The following NEK10 variants were observed in gnomAD, a reference collection of about 807,000 sequenced individuals.
NEK10 encodes the protein serine/threonine-protein kinase Nek10.
Under a neutral mutation model 159.8 loss-of-function variants are expected in NEK10, and 122 were observed. That is an observed-to-expected ratio of 0.76 (90% CI 0.66 to 0.89). The LOEUF (loss-of-function observed/expected upper bound fraction) is 0.89. NEK10 is among the 40% of genes least tolerant of loss of function. The pLI is 0.00. For missense variants in NEK10, 1,342 were observed against 1,323.1 expected (o/e 1.01, Z -0.22); for synonymous variants, 466 against 457.1 (o/e 1.02, Z -0.25).
chr3:27,136,068 T>C (rs73141421), intron 31 of NEK10, among the ~76,000 whole-genome samples: 5,956 of 151,654 alleles, frequency 0.039, 276 homozygotes, highest in African/African-American at 0.12. Flanking sequence ...CAAAGGCGCT[T>C]CAAATAAATG....
chr3:27,214,989 G>T, intron 23 of NEK10: 1 of 685,940 alleles, frequency 1.5e-6, no homozygotes, highest in South Asian at 1.6e-5. Context: ...CCAGGCACCG[G>T]TCCCACTTCC....
At chr3:27,352,950 G>A in intron 1 of NEK10, 31 bp from the exon 2 acceptor site, 2 of 1,144,228 alleles carry the variant, frequency 1.7e-6, no homozygotes, top group Non-Finnish European at 2.6e-6. Flanking sequence ...GAAAATTTTA[G>A]TTGGGTTGCG....
chr3:27,218,937 A>G (rs1036069347), intron 23 of NEK10, among the ~76,000 whole-genome samples: 1 of 152,304 alleles, frequency 6.6e-6, no homozygotes, highest in Non-Finnish European at 1.5e-5. Context: ...CGGGTAAATA[A>G]CATGAATCTT....
intron 23 of NEK10, among the ~76,000 whole-genome samples, chr3:27,249,232 G>T (rs1003559016): frequency 6.6e-6 from 1 of 152,138 alleles, no homozygotes; most frequent in Non-Finnish European, 1.5e-5. Flanking sequence ...GTTTCCTGAG[G>T]TCTCCCCAGC....
chr3:27,259,534 T>A (rs1401654822), intron 22 of NEK10, among the ~76,000 whole-genome samples: 2 of 152,328 alleles, frequency 1.3e-5, no homozygotes, highest in South Asian at 2.1e-4. Context: ...GTTGTAGATA[T>A]GCGGCATTAT....
intron 30 of NEK10, among the ~76,000 whole-genome samples, chr3:27,151,080 C>T (rs1481803467): frequency 7.2e-5 from 11 of 152,126 alleles, no homozygotes; most frequent in East Asian, 3.9e-4. Flanking sequence ...ACCCTGGTAG[C>T]GGAAGACAAA....
Position 27,162,487 on chromosome 3 carries a change from A to G in NEK10, c.2869+214T>C, listed in dbSNP as rs763601536. On this transcript the variant is annotated intron_variant, in intron 30 of 35. Transcript: ENST00000691995. Reference sequence around the variant, plus strand: ...ATGATCTTTGAGATTTCGAAGAATCACAGCAGGAAGGCTATGGGACTGCCA... The same window carrying G: ...ATGATCTTTGAGATTTCGAAGAATCGCAGCAGGAAGGCTATGGGACTGCCA... The G allele has an allele frequency of 9.3e-6, 15 of 1,614,030 alleles. No individual in the cohort carries two copies. In the South Asian group the frequency reaches 1.6e-4, roughly 18 times the overall value.
chr3:27,134,287 A>G (rs764406534), intron 31 of NEK10, among the ~76,000 whole-genome samples: 2 of 152,214 alleles, frequency 1.3e-5, no homozygotes, highest in Non-Finnish European at 2.9e-5. Context: ...TGAGGGGACC[A>G]GAAAGTACCT....
chr3:27,202,930 A>T (rs944706053), intron 23 of NEK10, among the ~76,000 whole-genome samples: 1 of 152,174 alleles, frequency 6.6e-6, no homozygotes, highest in Non-Finnish European at 1.5e-5. Context: ...GGCAGTGCTC[A>T]TCATCCATTC....
intron 21 of NEK10, 66 bp from the exon 22 acceptor site, chr3:27,284,770 T>C: frequency 1.3e-6 from 2 of 1,522,898 alleles, no homozygotes; most frequent in Non-Finnish European, 1.8e-6. Flanking sequence ...AGATGACTAC[T>C]GCACGTCTTT....
At chr3:27,149,670 T>C (rs188843847) in intron 30 of NEK10, among the ~76,000 whole-genome samples, 264 of 152,290 alleles carry the variant, frequency 1.7e-3, no homozygotes, top group African/African-American at 6.1e-3. Flanking sequence ...CATCTTTCCC[T>C]TCTTCATAGG....
intron 3 of NEK10, among the ~76,000 whole-genome samples, chr3:27,348,396 A>G (rs2047720363): frequency 6.6e-6 from 1 of 152,196 alleles, no homozygotes; most frequent in African/African-American, 2.4e-5. Context: ...CAACTCATGG[A>G]AAACGGGTGG....
chr3:27,120,621 CG>C (rs1157722284), intron 32 of NEK10, among the ~76,000 whole-genome samples: 1 of 152,062 alleles, frequency 6.6e-6, no homozygotes, highest in Non-Finnish European at 1.5e-5. Context: ...TAAGCCACCG[CG>C]CCTGGCCAAA....
intron 23 of NEK10, among the ~76,000 whole-genome samples, chr3:27,238,090 AACT>A (rs1160016175): frequency 2.6e-5 from 4 of 152,204 alleles, no homozygotes; most frequent in African/African-American, 9.7e-5. Context: ...TGCCACAGAT[AACT>A]TTTGTTTTCT....
At chr3:27,122,101 AT>A (rs1379420821) in intron 32 of NEK10, among the ~76,000 whole-genome samples, 2 of 152,194 alleles carry the variant, frequency 1.3e-5, no homozygotes, top group African/African-American at 4.8e-5. Flanking sequence ...ATCCATTTTT[AT>A]CAGTGATAAC....
chr3:27,363,297 G>A (rs2048817057), intron 1 of NEK10, among the ~76,000 whole-genome samples: 1 of 152,178 alleles, frequency 6.6e-6, no homozygotes, highest in African/African-American at 2.4e-5. Flanking sequence ...GCTGATTCAG[G>A]TCATAATTCA....
chr3:27,225,998 T>C (rs1425842743), intron 23 of NEK10, among the ~76,000 whole-genome samples: 1 of 152,178 alleles, frequency 6.6e-6, no homozygotes, highest in Non-Finnish European at 1.5e-5. Context: ...GTATGTCTAC[T>C]TGAAGAAATG....
chr3:27,285,559 A>G (rs1440234247), intron 20 of NEK10, among the ~76,000 whole-genome samples: 2 of 151,932 alleles, frequency 1.3e-5, no homozygotes, highest in Non-Finnish European at 2.9e-5. Flanking sequence ...AAAAAACAAA[A>G]CTGGACTTCT....
rs531554989 is a variant in NEK10, at chr3:27,307,858, C to A, written c.803+1G>T. On this transcript the variant is annotated splice_donor_variant, in intron 11 of 35. Coordinates refer to ENST00000691995, the MANE Select transcript of NEK10 (RefSeq NM_001394966.1). LOFTEE classifies it high-confidence loss of function. ...TCTTTTTCTACTGTTAGCAATCCTA[C>A]CTTTTAGAAAGCAAGTCATATTCAT... 1.4e-6 allele frequency: 2 copies of A among 1,455,060 alleles called. No individual in the cohort carries two copies. The highest frequency in any genetic ancestry group is 2.3e-5 in the South Asian group (2 of 87,374). 90.1% of individuals were successfully genotyped at this position (1,455,060 alleles called of 1,614,324 possible). A position where few individuals can be genotyped will look rare whatever the true frequency, so the allele number is the denominator to read the frequency against.
Sources: gnomAD v4.1 joint callset for allele counts (sites outside exome capture counted in the v4.1 genomes callset) on GRCh38, gnomAD v4.1.1 for gene constraint, MANE v1.5 for transcripts, NCBI Gene and HGNC (gene_info 2026-07-23, HGNC 2026-07-21) for gene names.